The following JPT1 variants were observed in gnomAD, a reference collection of about 807,000 sequenced individuals.
JPT1 encodes the protein Jupiter microtubule associated homolog 1.
A neutral mutation model predicts 17.0 loss-of-function variants in JPT1; 5 were observed. The ratio of observed to expected loss-of-function variants is 0.29; its 90% CI spans 0.15 to 0.62. The LOEUF is 0.62. Ranked by LOEUF, JPT1 falls within the 20% of genes least tolerant of loss-of-function variation. The pLI, the probability that JPT1 is intolerant of heterozygous loss-of-function variation, is 0.85. For synonymous variants in JPT1, 71 were observed against 73.6 expected (o/e 0.96, Z 0.18); for missense variants, 158 against 188.1 (o/e 0.84, Z 0.94).
intron 1 of JPT1, among the ~76,000 whole-genome samples, chr17:75,149,816 G>A (rs2145192393): frequency 6.6e-6 from 1 of 152,022 alleles, no homozygotes; most frequent in African/African-American, 2.4e-5. Context: ...TTCAAGGCCA[G>A]CCTAGGCAAC....
At chr17:75,142,263 G>T (rs1025142787) in intron 4 of JPT1, among the ~76,000 whole-genome samples, 16 of 151,552 alleles carry the variant, frequency 1.1e-4, no homozygotes, top group African/African-American at 3.9e-4. Flanking sequence ...TCAGAATATA[G>T]AAAGCAGTAG....
rs1174557829 is a variant in JPT1 at position 75,154,439 on chromosome 17, T to G, written c.-42A>C. ...GTAGGCTGGCGCCGGAGCAGAACGC[T>G]CAAAGGGTCGGACCCGAGGGGCGCT... On this transcript the variant is annotated 5_prime_UTR_variant, in exon 1 of 5. Transcript: ENST00000409753. 6.5e-7 allele frequency: 1 copy of G among 1,538,784 alleles called. No individual in the cohort carries two copies. Among genetic ancestry groups the G allele is most frequent in the Non-Finnish European group, 8.8e-7 (1 of 1,140,416 alleles).
At position 75,148,984 on chromosome 17, in the gene JPT1, A is replaced by G. The variant is rs1251597759; in HGVS notation, c.57-313T>C. On this transcript the variant is annotated intron_variant, in intron 1 of 4. Coordinates refer to ENST00000409753, the MANE Select transcript of JPT1 (RefSeq NM_016185.4). ...CTTTTCAGAAATGGCAAAAGATCTAATGGACCTTACTCTACTGGGCTTGGC... is the reference window on the plus strand; with the variant it reads ...CTTTTCAGAAATGGCAAAAGATCTAGTGGACCTTACTCTACTGGGCTTGGC... The G allele has an allele frequency of 7.1e-6, 9 of 1,262,284 alleles. No individual in the cohort carries two copies. In the East Asian group the frequency reaches 4.0e-4, roughly 56 times the overall value. 78.2% of individuals were successfully genotyped at this position (1,262,284 alleles called of 1,614,324 possible). A position where few individuals can be genotyped will look rare whatever the true frequency, so the allele number is the denominator to read the frequency against.
chr17:75,139,796 C>T (rs556686674), intron 4 of JPT1, among the ~76,000 whole-genome samples: 64 of 151,972 alleles, frequency 4.2e-4, no homozygotes, highest in African/African-American at 1.4e-3. Flanking sequence ...CCAGCCTGGG[C>T]GACAGAGTAA....
chr17:75,141,652 AAAAC>A (rs2074311117), intron 4 of JPT1, among the ~76,000 whole-genome samples: 1 of 151,378 alleles, frequency 6.6e-6, no homozygotes, highest in African/African-American at 2.4e-5. Flanking sequence ...ACTCTCAAAA[AAAAC>A]AAAAAGGAAA....
At chr17:75,142,605 AAGGGGGAGAGAGGAG>A (rs2074339627) in intron 4 of JPT1, among the ~76,000 whole-genome samples, 1 of 10,208 alleles carries the variant, frequency 9.8e-5, no homozygotes, top group South Asian at 5.7e-3. Context: ...GAGGGAGGGG[AAGGGGGAGAGAGGAG>A]GGGAGGGAGG....
chr17:75,149,209 A>G (rs555167517), intron 1 of JPT1: 10 of 423,738 alleles, frequency 2.4e-5, no homozygotes, highest in African/African-American at 2.1e-4. Flanking sequence ...ATTAAAAATT[A>G]GCCAAGCGTA....
intron 1 of JPT1, among the ~76,000 whole-genome samples, chr17:75,150,114 T>C (rs2074519402): frequency 6.6e-6 from 1 of 152,174 alleles, no homozygotes; most frequent in Non-Finnish European, 1.5e-5. Flanking sequence ...TTCAACATGG[T>C]AATATATTTT....
intron 1 of JPT1, among the ~76,000 whole-genome samples, chr17:75,150,399 CCCA>C (rs1311006724): frequency 1.3e-5 from 2 of 151,986 alleles, no homozygotes; most frequent in Non-Finnish European, 2.9e-5. Flanking sequence ...ATTACAGGTG[CCCA>C]CCACCACAAA....
intron 2 of JPT1, among the ~76,000 whole-genome samples, 168 bp downstream of exon 2, chr17:75,148,361 C>T (rs143283126): frequency 0.011 from 1,668 of 152,246 alleles, 32 homozygotes; most frequent in African/African-American, 0.038. Context: ...CCTCCCACCT[C>T]GGCCTCCGGA....
At chr17:75,152,106 C>T (rs1016099130) in intron 1 of JPT1, among the ~76,000 whole-genome samples, 7 of 152,138 alleles carry the variant, frequency 4.6e-5, no homozygotes, top group Admixed American at 3.9e-4. Flanking sequence ...ACTCGGATGA[C>T]GTCAGTGTTG....
chr17:75,135,814 C>G lies in JPT1; in HGVS notation c.*288G>C. The G allele has an allele frequency of 1.7e-6, 1 of 591,168 alleles. No homozygotes were observed. The highest frequency in any genetic ancestry group is 2.9e-6 in the Non-Finnish European group (1 of 341,600). The allele number at this position is 591,168 out of a possible 1,614,324, so 36.6% of individuals were successfully genotyped here. ...GTTAAAAACCTCAGTACAAAAGATCCTCTAACACATCTGGAACCAAATTAT... is the reference window on the plus strand; with the variant it reads ...GTTAAAAACCTCAGTACAAAAGATCGTCTAACACATCTGGAACCAAATTAT... On this transcript the variant is annotated 3_prime_UTR_variant, in exon 5 of 5. Transcript: ENST00000409753.
intron 4 of JPT1, 90 bp downstream of exon 4, chr17:75,146,576 C>G: frequency 9.8e-7 from 1 of 1,019,378 alleles, no homozygotes; most frequent in South Asian, 1.5e-5. Flanking sequence ...ACTCCCCAGT[C>G]TCTTTCCCCA....
At chr17:75,150,847 CTTTTT>C (rs59267123) in intron 1 of JPT1, among the ~76,000 whole-genome samples, 20 of 65,954 alleles carry the variant, frequency 3.0e-4, no homozygotes, top group Admixed American at 1.0e-3. Context: ...ATTTTTCTTT[CTTTTT>C]TTTTTTTTTT....
At chr17:75,139,671 T>C (rs534295125) in intron 4 of JPT1, among the ~76,000 whole-genome samples, 2 of 151,936 alleles carry the variant, frequency 1.3e-5, no homozygotes, top group South Asian at 4.2e-4. Context: ...AGTACAAAAA[T>C]TAGCTGGGCG....
At chr17:75,136,768 G>A (rs1474708699) in intron 4 of JPT1, among the ~76,000 whole-genome samples, 1 of 152,196 alleles carries the variant, frequency 6.6e-6, no homozygotes, top group Non-Finnish European at 1.5e-5. Context: ...GGGATTACAG[G>A]CGTGAGCCAC....
chr17:75,152,752 C>G (rs1240633738), intron 1 of JPT1, among the ~76,000 whole-genome samples: 2 of 152,108 alleles, frequency 1.3e-5, no homozygotes, highest in African/African-American at 4.8e-5. Context: ...CCTCGTAACA[C>G]AAAATGAAAA....
At chr17:75,142,995 C>G (rs577494260) in intron 4 of JPT1, among the ~76,000 whole-genome samples, 1 of 152,256 alleles carries the variant, frequency 6.6e-6, no homozygotes, top group South Asian at 2.1e-4. Context: ...GAGCAGCCCT[C>G]AGGAAACAGA....
At chr17:75,137,157 C>CA (rs912256396) in intron 4 of JPT1, among the ~76,000 whole-genome samples, 1 of 151,902 alleles carries the variant, frequency 6.6e-6, no homozygotes, top group Non-Finnish European at 1.5e-5. Flanking sequence ...TCTCTGACAG[C>CA]AAAAAAACTG....
Sources: allele counts gnomAD v4.1 joint callset (sites outside exome capture counted in the v4.1 genomes callset), GRCh38; gene constraint gnomAD v4.1.1; transcripts MANE v1.5; gene names NCBI Gene and HGNC (gene_info 2026-07-23, HGNC 2026-07-21).